Variants in COL25A1 observed in about 807,000 individuals in gnomAD.
COL25A1 encodes the protein collagen alpha-1(XXV) chain.
A neutral mutation model predicts 128.4 loss-of-function variants in COL25A1; 103 were observed. That is an observed-to-expected ratio of 0.80 (90% confidence interval 0.68 to 0.94). COL25A1 has a LOEUF of 0.94. COL25A1 is among the 40% of genes least tolerant of loss of function. The probability of loss-of-function intolerance (pLI) is 0.00; values close to 1 mark genes in which losing one functional copy is unlikely to be tolerated. For missense variants in COL25A1, 745 were observed against 840.0 expected, an observed-to-expected ratio of 0.89 and a Z score of 1.40; for synonymous variants, 279 against 277.2, an observed-to-expected ratio of 1.01 and a Z score of -0.06.
intron 35 of COL25A1, among the ~76,000 whole-genome samples, chr4:108,822,392 G>C (rs919609396): frequency 2.0e-5 from 3 of 152,002 alleles, no homozygotes; most frequent in South Asian, 2.1e-4. Flanking sequence ...CAACCAACTA[G>C]GTAAATATAA....
intron 3 of COL25A1, among the ~76,000 whole-genome samples, chr4:109,111,132 C>T (rs1283687026): frequency 6.6e-6 from 1 of 152,166 alleles, no homozygotes; most frequent in Non-Finnish European, 1.5e-5. Flanking sequence ...CTTTATTCGG[C>T]CATAAATTGT....
chr4:109,114,521 T>C (rs1461303341), intron 3 of COL25A1, among the ~76,000 whole-genome samples: 1 of 151,630 alleles, frequency 6.6e-6, no homozygotes, highest in African/African-American at 2.4e-5. Flanking sequence ...TAGAATGGAG[T>C]TGAGAGGTGG....
chr4:109,146,660 GATTTA>G (rs951722746), intron 3 of COL25A1, among the ~76,000 whole-genome samples: 6 of 152,324 alleles, frequency 3.9e-5, no homozygotes, highest in Non-Finnish European at 7.3e-5. Flanking sequence ...CAACTGAAAG[GATTTA>G]ATTTGTGTCT....
At chr4:108,872,340 T>A (rs1012518291) in intron 19 of COL25A1, among the ~76,000 whole-genome samples, 1 of 152,106 alleles carries the variant, frequency 6.6e-6, no homozygotes, top group Non-Finnish European at 1.5e-5. Context: ...CACTTGAACC[T>A]GGGAGGCAGA....
intron 24 of COL25A1, among the ~76,000 whole-genome samples, chr4:108,854,715 G>C (rs1578553298): frequency 6.6e-6 from 1 of 152,274 alleles, no homozygotes; most frequent in East Asian, 1.9e-4. Flanking sequence ...GGAAACAACA[G>C]ATGCTGAAAA....
At chr4:109,300,678 AATC>A (rs778474655) in intron 2 of COL25A1, 26 bp from the exon 3 acceptor site, 1 of 1,505,192 alleles carries the variant, frequency 6.6e-7, no homozygotes, top group South Asian at 1.1e-5. Context: ...AGTTATTAAT[AATC>A]ATCAGTAGCA....
chr4:109,019,912 T>G (rs1000486649), intron 5 of COL25A1, among the ~76,000 whole-genome samples: 1 of 152,210 alleles, frequency 6.6e-6, no homozygotes, highest in Non-Finnish European at 1.5e-5. Flanking sequence ...TAGTTTGATT[T>G]GGTCTCCATA....
intron 10 of COL25A1, among the ~76,000 whole-genome samples, chr4:108,938,949 A>G (rs1018431710): frequency 3.9e-5 from 6 of 152,264 alleles, no homozygotes; most frequent in Non-Finnish European, 7.3e-5. Context: ...TGAAAATTTT[A>G]AAACAAGTTA....
intron 11 of COL25A1, among the ~76,000 whole-genome samples, chr4:108,933,791 C>T (rs186860941): frequency 1.9e-4 from 29 of 152,060 alleles, no homozygotes; most frequent in Admixed American, 1.8e-3. Context: ...TATAGTCATA[C>T]ACCACTAAGT....
chr4:109,254,470 T>TTTATATAC (rs1491512674), intron 3 of COL25A1, among the ~76,000 whole-genome samples: 3 of 16,076 alleles, frequency 1.9e-4, no homozygotes, highest in East Asian at 3.8e-3. Context: ...GGCATATGTT[T>TTTATATAC]ATATATATAT....
intron 36 of COL25A1, among the ~76,000 whole-genome samples, chr4:108,818,929 G>C (rs7666215): frequency 0.29 from 44,092 of 151,600 alleles, 7,646 homozygotes; most frequent in South Asian, 0.43. Context: ...TGGTCTAGCA[G>C]TGTCTTTGCA....
At chr4:109,096,664 A>G (rs1765423601) in intron 3 of COL25A1, among the ~76,000 whole-genome samples, 1 of 152,224 alleles carries the variant, frequency 6.6e-6, no homozygotes, top group Non-Finnish European at 1.5e-5. Flanking sequence ...AAAGTTATAT[A>G]GATTTAAAAT....
chr4:109,109,633 G>A (rs1278697133), intron 3 of COL25A1, among the ~76,000 whole-genome samples: 2 of 152,144 alleles, frequency 1.3e-5, no homozygotes, highest in African/African-American at 4.8e-5. Context: ...TCCCTTTTAC[G>A]GTTCATGGTT....
At chr4:109,197,927 G>T (rs1372442248) in intron 3 of COL25A1, among the ~76,000 whole-genome samples, 1 of 151,986 alleles carries the variant, frequency 6.6e-6, no homozygotes, top group African/African-American at 2.4e-5. Flanking sequence ...TAATATACAT[G>T]CAACTTTACT....
At chr4:108,862,609 A>G in intron 21 of COL25A1, 64 bp from the exon 22 acceptor site, 2 of 1,333,660 alleles carry the variant, frequency 1.5e-6, no homozygotes, top group South Asian at 2.4e-5. Context: ...ACAGAAAAAT[A>G]GAAATTAGCA....
chr4:109,012,364 G>A (rs74885178), intron 5 of COL25A1, among the ~76,000 whole-genome samples: 8,557 of 152,160 alleles, frequency 0.056, 253 homozygotes, highest in East Asian at 0.1. Context: ...CTTGGCGTTC[G>A]CTCTGGCTAC....
intron 3 of COL25A1, among the ~76,000 whole-genome samples, chr4:109,107,767 G>C (rs1425082435): frequency 6.6e-6 from 1 of 152,102 alleles, no homozygotes; most frequent in Non-Finnish European, 1.5e-5. Context: ...TTACACAAAA[G>C]AGGACCACCA....
chr4:108,968,696 AGTTCAGCTGT>A (rs1417814237), intron 8 of COL25A1, among the ~76,000 whole-genome samples: 1 of 152,176 alleles, frequency 6.6e-6, no homozygotes, highest in African/African-American at 2.4e-5. Context: ...CCTCTGTGAT[AGTTCAGCTGT>A]GTAACAGTTA....
chr4:109,065,539 C>CGT (rs1762357496), intron 3 of COL25A1, among the ~76,000 whole-genome samples: 1 of 133,596 alleles, frequency 7.5e-6, no homozygotes, highest in African/African-American at 2.9e-5. Flanking sequence ...AGCACGCGCG[C>CGT]GCGCGCGTGT....
Sources: gnomAD v4.1 joint callset for allele counts (sites outside exome capture counted in the v4.1 genomes callset) on GRCh38, gnomAD v4.1.1 for gene constraint, MANE v1.5 for transcripts, NCBI Gene and HGNC (gene_info 2026-07-23, HGNC 2026-07-21) for gene names.